The following EFNB2 variants were observed in gnomAD, a reference collection of about 807,000 sequenced individuals.
The protein encoded by EFNB2 is ephrin B2.
EFNB2 carries 5 observed loss-of-function variants against 32.1 expected under a neutral mutation model. The ratio of observed to expected loss-of-function variants is 0.16; its 90% CI spans 0.08 to 0.33. The LOEUF (loss-of-function observed/expected upper bound fraction) is 0.33. EFNB2 is among the 10% of genes least tolerant of loss of function. The pLI is 1.00. For synonymous variants in EFNB2, 168 were observed against 166.5 expected (o/e 1.01, Z -0.07); for missense variants, 263 against 422.6 (o/e 0.62, Z 3.31).
chr13:106,523,519 AG>A (rs1251800080), intron 1 of EFNB2, among the ~76,000 whole-genome samples: 8 of 152,310 alleles, frequency 5.3e-5, no homozygotes, highest in African/African-American at 1.9e-4. Context: ...GAGTTCTAAA[AG>A]GCATGAAGAT....
intron 1 of EFNB2, chr13:106,517,988 A>T (rs1191244335): frequency 6.6e-6 from 1 of 152,224 alleles, no homozygotes; most frequent in Non-Finnish European, 1.5e-5. Context: ...TCTAAACTGG[A>T]TCTCTAATAA....
At chr13:106,533,021 T>C (rs555942131) in intron 1 of EFNB2, among the ~76,000 whole-genome samples, 4 of 151,528 alleles carry the variant, frequency 2.6e-5, no homozygotes, top group African/African-American at 9.7e-5. Context: ...AAGATAAAGA[T>C]ACACACACCG....
At chr13:106,525,369 T>C (rs1188090994) in intron 1 of EFNB2, among the ~76,000 whole-genome samples, 1 of 152,152 alleles carries the variant, frequency 6.6e-6, no homozygotes, top group African/African-American at 2.4e-5. Flanking sequence ...GCCTCACCTA[T>C]CCATGATCAT....
rs567996669 is a variant in EFNB2 at position 106,520,247 on chromosome 13, T to G, written c.123-7435A>C. 2.0e-5 allele frequency: 3 copies of G among 152,330 alleles called. No individual in the cohort carries two copies. In the East Asian group the frequency reaches 5.8e-4, roughly 29 times the overall value. The allele number at this position is 152,330 out of a possible 1,614,324, so 9.4% of individuals were successfully genotyped here. A position where few individuals can be genotyped will look rare whatever the true frequency, so the allele number is the denominator to read the frequency against. ...AACATGTACTTTTTCCATAAAAGGC[T>G]TTAATTTTTAATTAAATGTCAAAGC... On this transcript the variant is annotated intron_variant, in intron 1 of 4. Coordinates refer to ENST00000646441, the MANE Select transcript of EFNB2 (RefSeq NM_004093.4).
intron 1 of EFNB2, among the ~76,000 whole-genome samples, chr13:106,524,440 T>G (rs559938384): frequency 6.6e-6 from 1 of 152,310 alleles, no homozygotes; most frequent in South Asian, 2.1e-4. Flanking sequence ...ATTAACCAAT[T>G]TGGCCACAGT....
At chr13:106,529,677 T>G (rs1879811563) in intron 1 of EFNB2, among the ~76,000 whole-genome samples, 6 of 152,238 alleles carry the variant, frequency 3.9e-5, no homozygotes, top group Admixed American at 3.3e-4. Context: ...TATGTTGCCA[T>G]GGCTTCACCC....
chr13:106,495,986 A>T (rs963449015), intron 2 of EFNB2, 146 bp from the exon 3 acceptor site: 5 of 742,320 alleles, frequency 6.7e-6, no homozygotes, highest in Non-Finnish European at 1.1e-5. Flanking sequence ...AAGTATGGGG[A>T]TGCTGAAAGC....
chr13:106,520,878 G>A (rs1024166214), intron 1 of EFNB2: 1 of 152,152 alleles, frequency 6.6e-6, no homozygotes, highest in African/African-American at 2.4e-5. Context: ...TGTAGCGATA[G>A]GGTGTCAGGT....
intron 4 of EFNB2, among the ~76,000 whole-genome samples, chr13:106,494,032 C>G (rs1012432582): frequency 1.5e-4 from 23 of 152,176 alleles, no homozygotes; most frequent in African/African-American, 4.8e-4. Flanking sequence ...AGACTGCCAG[C>G]CCAAATGTTA....
chr13:106,510,276 ATC>A (rs1284532700), intron 2 of EFNB2: 1 of 152,208 alleles, frequency 6.6e-6, no homozygotes, highest in African/African-American at 2.4e-5. Context: ...CTAAATACAA[ATC>A]TCTCATGTAT....
In EFNB2 at chr13:106,534,824, G is replaced by T. The variant is rs944676416; in HGVS notation, c.122+19C>A. ...GGACCCCGGGGCGGGGACATAGGGG[G>T]ATCGCGGACGCCACTTACTTGGAGT... On this transcript the variant is annotated intron_variant, in intron 1 of 4. Transcript: ENST00000646441. The T allele has an allele frequency of 1.2e-6, 2 of 1,606,914 alleles. No homozygotes were observed. The highest frequency in any genetic ancestry group is 2.7e-5 in the African/African-American group (2 of 74,674).
rs1258435440 is a variant in EFNB2 at position 106,490,373 on chromosome 13, CA to C, written c.*2666del. 3 of 152,100 alleles carry C rather than the reference CA, an allele frequency of 2.0e-5. No homozygotes were observed. Among genetic ancestry groups the C allele is most frequent in the African/African-American group, 7.2e-5 (3 of 41,410 alleles). The allele number at this position is 152,100 out of a possible 1,614,324, so 9.4% of individuals were successfully genotyped here. A position where few individuals can be genotyped will look rare whatever the true frequency, so the allele number is the denominator to read the frequency against. ...AAGCAAGGCATTTACAGTAACTTTC[CA>C]AAGCTAAACCAACTTCAAACAAAGG... On this transcript the variant is annotated 3_prime_UTR_variant, in exon 5 of 5. Transcript: ENST00000646441.
chr13:106,528,490 A>G (rs1401349464), intron 1 of EFNB2, among the ~76,000 whole-genome samples: 2 of 151,950 alleles, frequency 1.3e-5, no homozygotes, highest in Non-Finnish European at 2.9e-5. Flanking sequence ...AAACAACAAC[A>G]ACAACAAAAA....
intron 2 of EFNB2, among the ~76,000 whole-genome samples, chr13:106,502,313 A>G (rs2138908539): frequency 6.6e-6 from 1 of 152,386 alleles, no homozygotes; most frequent in African/African-American, 2.4e-5. Flanking sequence ...CAGCATTGAA[A>G]TATGACTGAA....
At position 106,500,765 on chromosome 13, in the gene EFNB2, C is replaced by T. The variant is rs139251661; in HGVS notation, c.407-4925G>A. Among the ~76,000 whole-genome samples the T allele has an allele frequency of 1.1e-3, 171 of 152,280 alleles. 1 individual carries two copies. Among genetic ancestry groups the T allele is most frequent in the African/African-American group, 3.7e-3 (152 of 41,558 alleles). On this transcript the variant is annotated intron_variant, in intron 2 of 4. Coordinates refer to ENST00000646441, the MANE Select transcript of EFNB2 (RefSeq NM_004093.4). ...GCCTTGCTAATTTGGACTTCTTAGG[C>T]GAGTCTTCCTACACATCAGTTTCCT...
At chr13:106,521,201 T>C (rs1175076440) in intron 1 of EFNB2, 10 of 116,158 alleles carry the variant, frequency 8.6e-5, no homozygotes. Flanking sequence ...TAAAGTGTTA[T>C]AAATCTGAGA....
At chr13:106,496,716 A>G (rs1252527883) in intron 2 of EFNB2, among the ~76,000 whole-genome samples, 1 of 152,120 alleles carries the variant, frequency 6.6e-6, no homozygotes, top group East Asian at 1.9e-4. Flanking sequence ...TCAACAGCCT[A>G]TGCTCTATTT....
intron 2 of EFNB2, chr13:106,506,223 G>A (rs559160632): frequency 7.9e-5 from 12 of 152,320 alleles, no homozygotes; most frequent in African/African-American, 2.4e-4. Flanking sequence ...GCTAGCCTCA[G>A]TGATAACGCA....
chr13:106,496,746 C>G (rs1878605614), intron 2 of EFNB2, among the ~76,000 whole-genome samples: 2 of 152,086 alleles, frequency 1.3e-5, no homozygotes, highest in Non-Finnish European at 2.9e-5. Flanking sequence ...CTTGTTCTGT[C>G]TCTTTAGACC....
Sources: allele counts gnomAD v4.1 joint callset (sites outside exome capture counted in the v4.1 genomes callset), GRCh38; gene constraint gnomAD v4.1.1; transcripts MANE v1.5; gene names NCBI Gene and HGNC (gene_info 2026-07-23, HGNC 2026-07-21).